Variants in ARMC12 observed in about 807,000 individuals in gnomAD.
ARMC12 encodes armadillo repeat-containing protein 12.
Under a neutral mutation model 37.4 loss-of-function variants are expected in ARMC12, and 25 were observed. That is an observed-to-expected ratio of 0.67 (90% confidence interval 0.49 to 0.93). The LOEUF (loss-of-function observed/expected upper bound fraction) is 0.93, where lower values mean the gene tolerates loss of function less well. Among genes scored for constraint, ARMC12 ranks in the 40% least tolerant of loss-of-function variants. The pLI is 0.00. For synonymous variants in ARMC12, 167 were observed against 176.1 expected, an observed-to-expected ratio of 0.95 and a Z score of 0.41; for missense variants, 384 against 426.6, an observed-to-expected ratio of 0.90 and a Z score of 0.88.
chr6:35,742,321 C>A lies in ARMC12; in HGVS notation c.444+3803C>A, dbSNP rs528567002. 2.3e-3 allele frequency among the ~76,000 whole-genome samples: 355 copies of A among 151,728 alleles called. 4 individuals are homozygous for A. The Middle Eastern group carries it at 0.024, about 10-fold the overall frequency. On this transcript the variant is annotated intron_variant, in intron 3 of 5. Transcript: ENST00000373866. ...GACCAGCCTAGCCAACATGGAGAAA[C>A]CCCGTCTCTACTAAAAATACAAAAA...
intron 1 of ARMC12, 110 bp downstream of exon 1, chr6:35,737,381 G>A (rs750803423): frequency 6.2e-7 from 1 of 1,612,214 alleles, no homozygotes; most frequent in Admixed American, 1.7e-5. Flanking sequence ...TCTTTCCTTT[G>A]TCTTTCTCTT....
At chr6:35,748,462 A>G in intron 5 of ARMC12, 76 bp from the exon 6 acceptor site, 2 of 1,242,350 alleles carry the variant, frequency 1.6e-6, no homozygotes, top group Non-Finnish European at 2.1e-6. Flanking sequence ...AGTTTAGGCA[A>G]TAGGAATATA....
chr6:35,736,679 C>G (rs574550963), upstream of ARMC12, among the ~76,000 whole-genome samples: 1 of 152,160 alleles, frequency 6.6e-6, no homozygotes, highest in African/African-American at 2.4e-5. Flanking sequence ...GGCGTGTCAG[C>G]TCACTGCAAC....
intron 3 of ARMC12, among the ~76,000 whole-genome samples, chr6:35,741,144 G>C (rs1411915309): frequency 1.3e-5 from 2 of 152,038 alleles, no homozygotes; most frequent in Non-Finnish European, 2.9e-5. Context: ...GCTCTGTGGT[G>C]GTCTCTTTCG....
Position 35,738,192 on chromosome 6 carries a change from C to T in ARMC12, c.309+20C>T. 2 of 1,607,180 alleles carry T rather than the reference C, an allele frequency of 1.2e-6. No individual in the cohort carries two copies. Among genetic ancestry groups the T allele is most frequent in the Non-Finnish European group, 1.7e-6 (2 of 1,176,464 alleles). ...GCTGAGGTAAGGGAAGCAGGAGGTC[C>T]CCCCTAGCCGGCCTGGCCCCTGGGG... On this transcript the variant is annotated intron_variant, in intron 2 of 5. Transcript: ENST00000373866.
intron 3 of ARMC12, among the ~76,000 whole-genome samples, chr6:35,739,702 A>C (rs960627063): frequency 1.3e-5 from 2 of 152,202 alleles, no homozygotes; most frequent in Non-Finnish European, 2.9e-5. Context: ...ACTGGCTTTT[A>C]ACATTTAACT....
rs369267481 is a variant in ARMC12, at chr6:35,739,806, C to A, written c.444+1288C>A. Among the ~76,000 whole-genome samples the A allele has an allele frequency of 1.3e-4, 20 of 152,336 alleles. No homozygotes were observed. In the South Asian group the frequency reaches 3.9e-3, roughly 30 times the overall value. ...GCTGTTCCCAGCACCTCCACACGTT[C>A]AGCAACCAGGAAGCTCTTTGAACCC... On this transcript the variant is annotated intron_variant, in intron 3 of 5. Transcript: ENST00000373866.
In ARMC12 at chr6:35,738,286, T is replaced by TGGGG. The variant is rs56101324; in HGVS notation, c.310-91_310-88dup. 3.0e-3 allele frequency: 3,226 copies of TGGGG among 1,060,722 alleles called. 8 individuals are homozygous for TGGGG. Among genetic ancestry groups the TGGGG allele is most frequent in the African/African-American group, 0.013 (568 of 43,090 alleles). 65.7% of individuals were successfully genotyped at this position (1,060,722 alleles called of 1,614,324 possible). Reference sequence around the variant, plus strand: ...GGGACCTCTCTCTGGCTGATAGCGGTGGGGGGGGGGTGTGCGGAGGGATCT... The same window carrying TGGGG: ...GGGACCTCTCTCTGGCTGATAGCGGTGGGGGGGGGGGGGGTGTGCGGAGGGATCT... On this transcript the variant is annotated intron_variant, in intron 2 of 5. Transcript: ENST00000373866.
intron 3 of ARMC12, among the ~76,000 whole-genome samples, chr6:35,738,755 C>T (rs932391864): frequency 6.6e-6 from 1 of 152,068 alleles, no homozygotes; most frequent in South Asian, 2.1e-4. Context: ...GAAGGACCCC[C>T]ACTACCCCAC....
At position 35,738,287 on chromosome 6, in the gene ARMC12, G is replaced by C. The variant is rs554282976; in HGVS notation, c.310-97G>C. The C allele has an allele frequency of 6.9e-3, 7,041 of 1,015,740 alleles. 98 individuals are homozygous for C. The highest frequency in any genetic ancestry group is 0.021 in the Middle Eastern group (59 of 2,864). 62.9% of individuals were successfully genotyped at this position (1,015,740 alleles called of 1,614,324 possible). A position where few individuals can be genotyped will look rare whatever the true frequency, so the allele number is the denominator to read the frequency against. On this transcript the variant is annotated intron_variant, in intron 2 of 5. Coordinates refer to ENST00000373866, the MANE Select transcript of ARMC12 (RefSeq NM_001286574.2). ...GGACCTCTCTCTGGCTGATAGCGGTGGGGGGGGGGTGTGCGGAGGGATCTT... is the reference window on the plus strand; with the variant it reads ...GGACCTCTCTCTGGCTGATAGCGGTCGGGGGGGGGTGTGCGGAGGGATCTT...
rs774932375 is a variant in ARMC12 at position 35,737,217 on chromosome 6, G to T, written c.109G>T (p.Ala37Ser). The change falls in exon 1 of 6, where the codon GCT (alanine) becomes TCT (serine). Residue 37 changes from alanine (A) to serine (S), a missense_variant. Ala to Ser is a moderately conservative substitution (Grantham distance 99). Transcript: ENST00000373866. The part of the protein sequence containing the change: ...AIYLLYKAIK[A>S]GIKCKPPLCS... The stretch of plus-strand genomic sequence containing the variant: ...CTACCTGCTCTACAAGGCCATCAAG[G>T]CTGGCATAAAATGCAAACCACCCCT... The T allele has an allele frequency of 3.1e-6, 5 of 1,614,242 alleles. No individual in the cohort carries two copies. In the Admixed American group the frequency reaches 8.3e-5, roughly 27 times the overall value.
At chr6:35,738,237 C>A (rs1767042640) in intron 2 of ARMC12, 65 bp downstream of exon 2, 1 of 1,536,280 alleles carries the variant, frequency 6.5e-7, no homozygotes, top group Admixed American at 1.8e-5. Flanking sequence ...GATCCCTGCC[C>A]CTGGAATGGC....
chr6:35,741,093 T>A (rs1767152572), intron 3 of ARMC12, among the ~76,000 whole-genome samples: 1 of 152,076 alleles, frequency 6.6e-6, no homozygotes, highest in South Asian at 2.1e-4. Context: ...GGCCTTGAAC[T>A]CCTGGGCTCA....
rs78231170 is a variant in ARMC12 at position 35,742,979 on chromosome 6, C to G, written c.445-4282C>G. 3.3e-3 allele frequency among the ~76,000 whole-genome samples: 505 copies of G among 152,318 alleles called. 5 individuals are homozygous for G. The highest frequency in any genetic ancestry group is 0.011 in the African/African-American group (450 of 41,576). On this transcript the variant is annotated intron_variant, in intron 3 of 5. Coordinates refer to ENST00000373866, the MANE Select transcript of ARMC12 (RefSeq NM_001286574.2). ...AGCCACGTACAATGCATGCTTTATG[C>G]TCTCACATGCCCCCTTGCTGCTGTT...
At chr6:35,738,213 T>TG in intron 2 of ARMC12, 41 bp downstream of exon 2, 2 of 1,422,190 alleles carry the variant, frequency 1.4e-6, no homozygotes, top group Non-Finnish European at 1.9e-6. Context: ...GCCTGGCCCC[T>TG]GGGGGTTACG....
At chr6:35,744,703 C>T (rs959972301) in intron 3 of ARMC12, among the ~76,000 whole-genome samples, 23 of 151,940 alleles carry the variant, frequency 1.5e-4, no homozygotes, top group Admixed American at 1.2e-3. Context: ...TGCAGCGAGC[C>T]GAGATCGCAC....
At chr6:35,737,357 T>A in intron 1 of ARMC12, 86 bp downstream of exon 1, 1 of 1,614,008 alleles carries the variant, frequency 6.2e-7, no homozygotes, top group South Asian at 1.1e-5. Flanking sequence ...CCAAAGGTGA[T>A]GCCTCCAAGT....
chr6:35,738,189 G>GT lies in ARMC12; in HGVS notation c.309+18dup, dbSNP rs763151611. ...GAGGCTGAGGTAAGGGAAGCAGGAGGTCCCCCCTAGCCGGCCTGGCCCCTG... is the reference window on the plus strand; with the variant it reads ...GAGGCTGAGGTAAGGGAAGCAGGAGGTTCCCCCCTAGCCGGCCTGGCCCCTG... On this transcript the variant is annotated intron_variant, in intron 2 of 5. Coordinates refer to ENST00000373866, the MANE Select transcript of ARMC12 (RefSeq NM_001286574.2). 1.3e-5 allele frequency: 20 copies of GT among 1,581,300 alleles called. No individual in the cohort carries two copies. In the Admixed American group the frequency reaches 3.1e-4, roughly 24 times the overall value.
In ARMC12 at chr6:35,748,479, C is replaced by A. The variant is rs987656034; in HGVS notation, c.691-59C>A. On this transcript the variant is annotated intron_variant, in intron 5 of 5. Transcript: ENST00000373866. ...TTTAGGCAATAGGAATATACAAGAA[C>A]AAGAATTTTGTAACTTGCCTAGGAG... The A allele has an allele frequency of 2.9e-6, 4 of 1,361,582 alleles. No individual in the cohort carries two copies. In the African/African-American group the frequency reaches 4.5e-5, roughly 15 times the overall value. The allele number at this position is 1,361,582 out of a possible 1,614,324, so 84.3% of individuals were successfully genotyped here.
Sources: gnomAD v4.1 joint callset for allele counts (sites outside exome capture counted in the v4.1 genomes callset) on GRCh38, gnomAD v4.1.1 for gene constraint, MANE v1.5 for transcripts, NCBI Gene and HGNC (gene_info 2026-07-23, HGNC 2026-07-21) for gene names.